TMEM132B: variants seen among roughly 807,000 people sequenced by gnomAD.
The protein encoded by TMEM132B is transmembrane protein 132B.
A neutral mutation model predicts 90.8 loss-of-function variants in TMEM132B; 18 were observed. The ratio of observed to expected loss-of-function variants is 0.20; its 90% CI spans 0.14 to 0.29. TMEM132B has a LOEUF of 0.29. Ranked by LOEUF, TMEM132B falls within the 10% of genes least tolerant of loss-of-function variation. The pLI, the probability that TMEM132B is intolerant of heterozygous loss-of-function variation, is 1.00. For missense variants in TMEM132B, 1,096 were observed against 1,326.8 expected, an observed-to-expected ratio of 0.83 and a Z score of 2.70; for synonymous variants, 504 against 523.3, an observed-to-expected ratio of 0.96 and a Z score of 0.50.
intron 4 of TMEM132B, among the ~76,000 whole-genome samples, chr12:125,569,661 A>G (rs2136824395): frequency 6.6e-6 from 1 of 152,258 alleles, no homozygotes; most frequent in East Asian, 1.9e-4. Flanking sequence ...AGGAGAATTA[A>G]TGTTGAGGAC....
At chr12:125,474,856 G>T (rs536722492) in intron 3 of TMEM132B, among the ~76,000 whole-genome samples, 182 of 152,340 alleles carry the variant, frequency 1.2e-3, no homozygotes, top group African/African-American at 4.3e-3. Flanking sequence ...CCTGCGCCTG[G>T]CAGAGGGCTG....
At position 125,482,457 on chromosome 12, in the gene TMEM132B, C is replaced by T. The variant is rs58466360; in HGVS notation, c.1107-36982C>T. On this transcript the variant is annotated intron_variant, in intron 3 of 8. Coordinates refer to ENST00000682704, the MANE Select transcript of TMEM132B (RefSeq NM_001366854.1). ...AAAGTGGGCAAAGGATATGAACAGA[C>T]GCTTTTGAAAAGAAGACATTTATGT... is the stretch of plus-strand genomic sequence containing the variant. Among the ~76,000 whole-genome samples, 706 of 152,282 alleles carry T rather than the reference C, an allele frequency of 4.6e-3. 8 individuals are homozygous for T. Among genetic ancestry groups the T allele is most frequent in the African/African-American group, 0.015 (626 of 41,550 alleles).
chr12:125,491,326 C>T (rs1882345431), intron 3 of TMEM132B, among the ~76,000 whole-genome samples: 1 of 151,594 alleles, frequency 6.6e-6, no homozygotes, highest in South Asian at 2.1e-4. Context: ...GATGGGGTCT[C>T]ACTCTGTTGC....
intron 3 of TMEM132B, among the ~76,000 whole-genome samples, chr12:125,446,974 T>C (rs544294136): frequency 6.6e-6 from 1 of 152,364 alleles, no homozygotes; most frequent in South Asian, 2.1e-4. Flanking sequence ...AGTGACCCTC[T>C]TTATCTATAT....
In TMEM132B at chr12:125,194,237, G is replaced by A. The variant is rs539013857; in HGVS notation, c.67+7371G>A. ...ATTACTGAGGGTGATAGAGTTGCTC[G>A]GTGCTCCGAGCCTGGTCTGAATTAA... On this transcript the variant is annotated intron_variant, in intron 1 of 8. Transcript: ENST00000682704. Among the ~76,000 whole-genome samples, 10 of 151,928 alleles carry A rather than the reference G, an allele frequency of 6.6e-5. No individual in the cohort carries two copies. In the East Asian group the frequency reaches 1.6e-3, roughly 24 times the overall value.
intron 4 of TMEM132B, among the ~76,000 whole-genome samples, chr12:125,572,259 A>G (rs1199722243): frequency 6.6e-6 from 1 of 152,186 alleles, no homozygotes; most frequent in Non-Finnish European, 1.5e-5. Flanking sequence ...ATGCGTTGGA[A>G]ACTTAATCCT....
At position 125,575,940 on chromosome 12, in the gene TMEM132B, C is replaced by G. The variant is rs118005419; in HGVS notation, c.1294-7911C>G. Among the ~76,000 whole-genome samples, 625 of 152,144 alleles carry G rather than the reference C, an allele frequency of 4.1e-3. 2 individuals are homozygous for G. The highest frequency in any genetic ancestry group is 6.8e-3 in the Non-Finnish European group (465 of 67,914). ...TGTGAGCCTTCCAACTGTTATTTATCCAGATTGCTATGGCTATTCTGCCTC... is the reference window on the plus strand; with the variant it reads ...TGTGAGCCTTCCAACTGTTATTTATGCAGATTGCTATGGCTATTCTGCCTC... On this transcript the variant is annotated intron_variant, in intron 4 of 8. Coordinates refer to ENST00000682704, the MANE Select transcript of TMEM132B (RefSeq NM_001366854.1).
chr12:125,386,606 A>T (rs1341419960), intron 2 of TMEM132B, among the ~76,000 whole-genome samples: 1 of 152,226 alleles, frequency 6.6e-6, no homozygotes, highest in African/African-American at 2.4e-5. Flanking sequence ...TAAAATGCCC[A>T]TGGAGGCAAG....
At chr12:125,506,553 T>G (rs7134782) in intron 3 of TMEM132B, among the ~76,000 whole-genome samples, 73,054 of 152,004 alleles carry the variant, frequency 0.48, 18,029 homozygotes, top group Middle Eastern at 0.64. Context: ...TATAATGGAG[T>G]TAAAAGTAAA....
chr12:125,579,572 C>T (rs1034653083), intron 4 of TMEM132B, among the ~76,000 whole-genome samples: 1 of 151,998 alleles, frequency 6.6e-6, no homozygotes, highest in Non-Finnish European at 1.5e-5. Flanking sequence ...CCATGTTGGC[C>T]AGGCTGGTCT....
At chr12:125,591,469 A>G (rs371121596) in intron 5 of TMEM132B, among the ~76,000 whole-genome samples, 5 of 152,198 alleles carry the variant, frequency 3.3e-5, no homozygotes, top group African/African-American at 9.6e-5. Flanking sequence ...TCCCTCTTAC[A>G]AGGACCCTTG....
Position 125,408,795 on chromosome 12 carries a change from A to G in TMEM132B, c.960-6736A>G, listed in dbSNP as rs1397538420. ...TCAGGCTTTGTAGTTATCACCAAAT[A>G]GCTTTCCAAAGAGGTTGAACCAAAT... On this transcript the variant is annotated intron_variant, in intron 2 of 8. Coordinates refer to ENST00000682704, the MANE Select transcript of TMEM132B (RefSeq NM_001366854.1). The surrounding 1 kb of genome is among the most constrained non-coding windows in gnomAD (Gnocchi z 5.9). 6.6e-6 allele frequency among the ~76,000 whole-genome samples: 1 copy of G among 152,152 alleles called. No homozygotes were observed. The highest frequency in any genetic ancestry group is 1.5e-5 in the Non-Finnish European group (1 of 68,028).
rs146957143 is a variant in TMEM132B, at chr12:125,383,983, A to G, written c.960-31548A>G. ...TTTTTTTTAGATGGAGTCTCACTCC[A>G]TCACCCAGGCTGGAGTGCAGTGGTG... On this transcript the variant is annotated intron_variant, in intron 2 of 8. Transcript: ENST00000682704. Among the ~76,000 whole-genome samples the G allele has an allele frequency of 5.5e-3, 833 of 152,288 alleles. 4 individuals carry two copies. Among genetic ancestry groups the G allele is most frequent in the African/African-American group, 0.019 (797 of 41,550 alleles).
At chr12:125,372,783 A>G (rs1213068454) in intron 2 of TMEM132B, among the ~76,000 whole-genome samples, 1 of 152,188 alleles carries the variant, frequency 6.6e-6, no homozygotes, top group Admixed American at 6.5e-5. Context: ...GCCAAGCTGC[A>G]TGTTCATGAC....
chr12:125,391,040 A>AGTGTGTGTGT (rs57083034), intron 2 of TMEM132B, among the ~76,000 whole-genome samples: 4 of 84,934 alleles, frequency 4.7e-5, no homozygotes, highest in Admixed American at 1.4e-4. Flanking sequence ...ACTAAAGAAT[A>AGTGTGTGTGT]GTGTGTGTGT....
intron 5 of TMEM132B, among the ~76,000 whole-genome samples, chr12:125,599,571 G>A (rs554921310): frequency 6.6e-6 from 1 of 152,230 alleles, no homozygotes; most frequent in South Asian, 2.1e-4. Flanking sequence ...GGAGCTGAAC[G>A]ATCATGCTTG....
intron 1 of TMEM132B, among the ~76,000 whole-genome samples, chr12:125,259,297 C>T (rs569970352): frequency 3.2e-4 from 48 of 152,250 alleles, no homozygotes; most frequent in Admixed American, 1.3e-3. Context: ...ACAGGATGCC[C>T]GGCATCTATA....
At chr12:125,299,504 T>C (rs1055415905) in intron 1 of TMEM132B, among the ~76,000 whole-genome samples, 1 of 152,204 alleles carries the variant, frequency 6.6e-6, no homozygotes, top group Non-Finnish European at 1.5e-5. Flanking sequence ...GACTCTGGGC[T>C]GATGGCGCCT....
At chr12:125,226,837 A>G (rs1170279095) in intron 1 of TMEM132B, among the ~76,000 whole-genome samples, 1 of 152,144 alleles carries the variant, frequency 6.6e-6, no homozygotes, top group African/African-American at 2.4e-5. Flanking sequence ...CCCAGATGTC[A>G]CATTTTAGAG....
Sources: gnomAD v4.1 joint callset for allele counts (sites outside exome capture counted in the v4.1 genomes callset) on GRCh38, gnomAD v4.1.1 for gene constraint, Gnocchi (gnomAD v3.1) non-coding constraint, MANE v1.5 for transcripts, NCBI Gene and HGNC (gene_info 2026-07-23, HGNC 2026-07-21) for gene names.